Variants in KCNT2 observed in about 807,000 individuals in gnomAD.
KCNT2 encodes potassium sodium-activated channel subfamily T member 2, also known as potassium channel subfamily T member 2.
KCNT2 carries 67 observed loss-of-function variants against 153.8 expected under a neutral mutation model. The observed-to-expected ratio is 0.44, with a 90% confidence interval of 0.36 to 0.53. The LOEUF (loss-of-function observed/expected upper bound fraction) is 0.53. KCNT2 is among the 20% of genes least tolerant of loss of function. KCNT2 has a pLI of 0.00. For missense variants in KCNT2, 975 were observed against 1,354.8 expected, an observed-to-expected ratio of 0.72 and a Z score of 4.40; for synonymous variants, 500 against 458.8, an observed-to-expected ratio of 1.09 and a Z score of -1.15.
chr1:196,285,220 T>C (rs1005533248), intron 23 of KCNT2, among the ~76,000 whole-genome samples: 1 of 152,230 alleles, frequency 6.6e-6, no homozygotes, highest in South Asian at 2.1e-4. Context: ...AGCAGATTCT[T>C]AAAATGTCCT....
chr1:196,264,313 C>T lies in KCNT2; in HGVS notation c.2911-5819G>A, dbSNP rs570732386. ...TTTTTCATTGTTTTTAATGGTTTGT[C>T]TTATTATACTAGAATTCTGGTGATG... On this transcript the variant is annotated intron_variant, in intron 25 of 27. Coordinates refer to ENST00000294725, the MANE Select transcript of KCNT2 (RefSeq NM_198503.5). Among the ~76,000 whole-genome samples the T allele has an allele frequency of 1.2e-4, 18 of 152,166 alleles. No individual in the cohort carries two copies. In the South Asian group the frequency reaches 3.7e-3, roughly 32 times the overall value.
At position 196,398,562 on chromosome 1, in the gene KCNT2, C is replaced by A; in HGVS notation, c.1294+1G>T. The A allele has an allele frequency of 6.5e-7, 1 of 1,546,692 alleles. No homozygotes were observed. ...GGATCTCATGCAAGATAAAAACTTACCAGCAAATTTGATGTGAAATTTATT... is the reference window on the plus strand; with the variant it reads ...GGATCTCATGCAAGATAAAAACTTAACAGCAAATTTGATGTGAAATTTATT... On this transcript the variant is annotated splice_donor_variant, in intron 13 of 27. Coordinates refer to ENST00000294725, the MANE Select transcript of KCNT2 (RefSeq NM_198503.5). LOFTEE classifies it high-confidence loss of function.
intron 22 of KCNT2, among the ~76,000 whole-genome samples, chr1:196,293,978 T>A (rs1380591780): frequency 1.3e-5 from 2 of 150,952 alleles, no homozygotes; most frequent in Non-Finnish European, 2.9e-5. Flanking sequence ...ATATCCAAAA[T>A]ATATAAGGAC....
intron 1 of KCNT2, among the ~76,000 whole-genome samples, chr1:196,551,667 A>T (rs1053763516): frequency 2.0e-5 from 3 of 151,662 alleles, no homozygotes; most frequent in African/African-American, 7.3e-5. Context: ...TCTCATTAGG[A>T]TAAAGTCCAC....
At chr1:196,279,357 A>G (rs529769699) in intron 25 of KCNT2, among the ~76,000 whole-genome samples, 29 of 152,208 alleles carry the variant, frequency 1.9e-4, no homozygotes, top group African/African-American at 6.7e-4. Context: ...GTGAACCACA[A>G]CCACCACAGG....
At chr1:196,243,836 C>T (rs1655177288) in intron 26 of KCNT2, among the ~76,000 whole-genome samples, 2 of 152,240 alleles carry the variant, frequency 1.3e-5, no homozygotes, top group African/African-American at 2.4e-5. Flanking sequence ...CTTGATGGGG[C>T]ACATGACCCA....
chr1:196,488,816 A>G (rs1020597624), intron 3 of KCNT2, among the ~76,000 whole-genome samples: 2 of 151,966 alleles, frequency 1.3e-5, no homozygotes, highest in Non-Finnish European at 2.9e-5. Context: ...GCTATGGAGG[A>G]AAACACAGCA....
intron 2 of KCNT2, among the ~76,000 whole-genome samples, chr1:196,491,799 C>A (rs1679881026): frequency 6.6e-6 from 1 of 152,028 alleles, no homozygotes; most frequent in Non-Finnish European, 1.5e-5. Flanking sequence ...AGATAGGAAT[C>A]TGTATATTTC....
rs1299577974 is a variant in KCNT2 at position 196,333,894 on chromosome 1, T to C, written c.1950A>G (p.Gln650=). 1.2e-6 allele frequency: 2 copies of C among 1,612,272 alleles called. No individual in the cohort carries two copies. Among genetic ancestry groups the C allele is most frequent in the African/African-American group, 2.7e-5 (2 of 74,864 alleles). The change falls in exon 17 of 28, where the codon CAA becomes CAG. Residue 650 remains glutamine, a synonymous_variant. Transcript: ENST00000294725. ...CATCTGGTGTAGTTTCATCTTCTGA[T>C]TGGTCACTTAGAAGATCACATGTTT... ...SIQTCDLLSD[Q]SEDETTPDEE... is the part of the protein sequence containing the mutation.
chr1:196,367,830 G>A (rs1007216389), intron 14 of KCNT2, among the ~76,000 whole-genome samples: 1 of 152,150 alleles, frequency 6.6e-6, no homozygotes, highest in African/African-American at 2.4e-5. Context: ...CCAATTATAT[G>A]TTAAAAGGCA....
chr1:196,271,424 G>A (rs1167449361), intron 25 of KCNT2, among the ~76,000 whole-genome samples: 1 of 151,992 alleles, frequency 6.6e-6, no homozygotes, highest in East Asian at 1.9e-4. Flanking sequence ...TCTTTAGGCA[G>A]TTTAAGACGT....
chr1:196,503,918 G>A (rs943424663), intron 1 of KCNT2, among the ~76,000 whole-genome samples: 7 of 152,116 alleles, frequency 4.6e-5, no homozygotes, highest in Non-Finnish European at 1.0e-4. Flanking sequence ...ATGTCTTTAA[G>A]ATTTCTCTTA....
chr1:196,231,835 C>T (rs534735934), intron 27 of KCNT2, among the ~76,000 whole-genome samples: 1 of 151,784 alleles, frequency 6.6e-6, no homozygotes, highest in Admixed American at 6.6e-5. Context: ...CAGTAGGAAG[C>T]CACTAAGGGT....
intron 14 of KCNT2, among the ~76,000 whole-genome samples, chr1:196,356,909 C>A (rs1428175659): frequency 6.6e-6 from 1 of 151,652 alleles, no homozygotes; most frequent in African/African-American, 2.4e-5. Context: ...ATGTTGGCAG[C>A]CAAATAAAAC....
chr1:196,253,987 T>C (rs967757138), intron 26 of KCNT2, among the ~76,000 whole-genome samples: 2 of 151,472 alleles, frequency 1.3e-5, no homozygotes, highest in African/African-American at 4.8e-5. Context: ...TTATGCAAAA[T>C]ATTGGTGTCA....
chr1:196,558,265 T>C lies in KCNT2; in HGVS notation c.95+49950A>G, dbSNP rs142721655. Among the ~76,000 whole-genome samples the C allele has an allele frequency of 5.7e-4, 86 of 151,470 alleles. No homozygotes were observed. In the East Asian group the frequency reaches 0.016, roughly 29 times the overall value. On this transcript the variant is annotated intron_variant, in intron 1 of 27. Transcript: ENST00000294725. ...TCACATGAAAATATGCACATTCAAA[T>C]CATAAATGGAAAGTAGAATCAAATA...
chr1:196,515,591 T>C (rs2148810305), intron 1 of KCNT2, among the ~76,000 whole-genome samples: 1 of 152,310 alleles, frequency 6.6e-6, no homozygotes, highest in South Asian at 2.1e-4. Context: ...GCAATTTTAC[T>C]TTAACAATAG....
intron 19 of KCNT2, among the ~76,000 whole-genome samples, chr1:196,322,314 T>C (rs1663401171): frequency 6.6e-6 from 1 of 151,826 alleles, no homozygotes; most frequent in Non-Finnish European, 1.5e-5. Context: ...CACAGTTGCT[T>C]AATATATAAA....
At chr1:196,386,274 C>T (rs1439848984) in intron 13 of KCNT2, among the ~76,000 whole-genome samples, 1 of 152,128 alleles carries the variant, frequency 6.6e-6, no homozygotes, top group Non-Finnish European at 1.5e-5. Context: ...CATAAATATC[C>T]AGATTATTAC....
Sources: allele counts gnomAD v4.1 joint callset (sites outside exome capture counted in the v4.1 genomes callset), GRCh38; gene constraint gnomAD v4.1.1; transcripts MANE v1.5; gene names NCBI Gene and HGNC (gene_info 2026-07-23, HGNC 2026-07-21).